The following GPC6 variants were observed in gnomAD, a reference collection of about 807,000 sequenced individuals.
GPC6 encodes glypican-6.
A neutral mutation model predicts 55.2 loss-of-function variants in GPC6; 14 were observed. The observed-to-expected ratio is 0.25, with a 90% confidence interval of 0.17 to 0.40. The LOEUF (loss-of-function observed/expected upper bound fraction) is 0.40, where lower values mean the gene tolerates loss of function less well. GPC6 is among the 10% of genes least tolerant of loss of function. The probability of loss-of-function intolerance (pLI) is 1.00; values close to 1 mark genes in which losing one functional copy is unlikely to be tolerated. For missense variants in GPC6, 641 were observed against 708.5 expected (o/e 0.90, Z 1.08); for synonymous variants, 278 against 259.6 (o/e 1.07, Z -0.68).
Position 93,572,498 on chromosome 13 carries a change from C to T in GPC6, c.319+27077C>T, listed in dbSNP as rs3910921. The stretch of plus-strand genomic sequence containing the variant: ...CCATCCCAGATCTGCTAAACAGATA[C>T]TCCTAAGGGTATGACCCCGCAATCT... On this transcript the variant is annotated intron_variant, in intron 2 of 8. Coordinates refer to ENST00000377047, the MANE Select transcript of GPC6 (RefSeq NM_005708.5). Among the ~76,000 whole-genome samples, 348 of 152,154 alleles carry T rather than the reference C, an allele frequency of 2.3e-3. 2 individuals are homozygous for T. The highest frequency in any genetic ancestry group is 8.2e-3 in the African/African-American group (342 of 41,524).
chr13:93,577,947 C>T (rs907261849), intron 2 of GPC6, among the ~76,000 whole-genome samples: 1 of 152,020 alleles, frequency 6.6e-6, no homozygotes, highest in Non-Finnish European at 1.5e-5. Context: ...TAATACTTTT[C>T]AGCATCAATT....
chr13:93,536,199 CTTTTTCAA>C, intron 1 of GPC6, among the ~76,000 whole-genome samples: 1 of 152,106 alleles, frequency 6.6e-6, no homozygotes, highest in African/African-American at 2.4e-5. Context: ...GCCAAATTCA[CTTTTTCAA>C]TTTTTTACTT....
intron 1 of GPC6, among the ~76,000 whole-genome samples, chr13:93,251,329 A>G (rs1050938579): frequency 6.6e-6 from 1 of 152,202 alleles, no homozygotes; most frequent in African/African-American, 2.4e-5. Flanking sequence ...CCTACTAAAG[A>G]GATGATGTAA....
At chr13:93,429,833 A>G (rs947193059) in intron 1 of GPC6, among the ~76,000 whole-genome samples, 12 of 152,114 alleles carry the variant, frequency 7.9e-5, no homozygotes, top group Non-Finnish European at 1.5e-4. Flanking sequence ...ACATGAAATA[A>G]ATGACAAATA....
intron 2 of GPC6, among the ~76,000 whole-genome samples, chr13:93,673,568 C>T (rs761331662): frequency 6.6e-5 from 10 of 152,106 alleles, no homozygotes; most frequent in Non-Finnish European, 1.3e-4. Context: ...TGCCTTGCCC[C>T]TGGACCAGGA....
At chr13:94,348,959 C>T (rs994265560) in intron 6 of GPC6, among the ~76,000 whole-genome samples, 2 of 152,206 alleles carry the variant, frequency 1.3e-5, no homozygotes, top group Non-Finnish European at 2.9e-5. Context: ...GTACTCCCTT[C>T]TCAGAGAGTT....
intron 1 of GPC6, chr13:93,395,813 A>G (rs1875829976): frequency 1.3e-5 from 2 of 152,478 alleles, no homozygotes; most frequent in Admixed American, 1.3e-4. Context: ...CGGACTTTTT[A>G]GGAGAGTCCG....
At chr13:93,625,003 C>T (rs928414644) in intron 2 of GPC6, among the ~76,000 whole-genome samples, 5 of 152,078 alleles carry the variant, frequency 3.3e-5, no homozygotes, top group African/African-American at 1.2e-4. Context: ...CATTATTTGT[C>T]CTTTGTGGTT....
At chr13:93,654,397 A>G in intron 2 of GPC6, among the ~76,000 whole-genome samples, 1 of 151,740 alleles carries the variant, frequency 6.6e-6, no homozygotes, top group East Asian at 2.0e-4. Context: ...GCGTGATCTC[A>G]GCTCACTGCA....
intron 3 of GPC6, among the ~76,000 whole-genome samples, chr13:93,843,258 G>A (rs1218670738): frequency 6.6e-6 from 1 of 152,062 alleles, no homozygotes; most frequent in Non-Finnish European, 1.5e-5. Context: ...GTGTACATGT[G>A]TGTGCATGTT....
chr13:93,918,761 C>T (rs1043858089), intron 3 of GPC6, among the ~76,000 whole-genome samples: 8 of 152,202 alleles, frequency 5.3e-5, no homozygotes, highest in Non-Finnish European at 1.2e-4. Flanking sequence ...TAACCTGATC[C>T]AGCAGATGTT....
chr13:93,247,538 C>T (rs1314243018), intron 1 of GPC6, among the ~76,000 whole-genome samples: 2 of 152,088 alleles, frequency 1.3e-5, no homozygotes, highest in Non-Finnish European at 2.9e-5. Flanking sequence ...GTATCTTATT[C>T]AATATTCTTT....
intron 4 of GPC6, among the ~76,000 whole-genome samples, chr13:94,085,051 C>T (rs1208369516): frequency 4.0e-5 from 6 of 151,848 alleles, no homozygotes; most frequent in Admixed American, 6.6e-5. Context: ...TGGCTGGGCA[C>T]GGTGGCTCAC....
At chr13:94,085,321 CAAAAAAAAAAAAAA>C (rs33967804) in intron 4 of GPC6, among the ~76,000 whole-genome samples, 3 of 87,050 alleles carry the variant, frequency 3.4e-5, no homozygotes, top group Non-Finnish European at 6.6e-5. Context: ...GATTCTGTCT[CAAAAAAAAAAAAAA>C]AAAAAAAAAG....
intron 2 of GPC6, among the ~76,000 whole-genome samples, chr13:93,587,379 TTC>T (rs1877254317): frequency 6.6e-6 from 1 of 152,190 alleles, no homozygotes; most frequent in Admixed American, 6.5e-5. Flanking sequence ...AATGAGGTAG[TTC>T]TCTGGATCAG....
chr13:93,555,863 G>A (rs899634459), intron 2 of GPC6, among the ~76,000 whole-genome samples: 1 of 152,160 alleles, frequency 6.6e-6, no homozygotes, highest in African/African-American at 2.4e-5. Context: ...CTGTTCTGAA[G>A]CGAGTGTTCT....
At chr13:93,609,605 C>T (rs896753136) in intron 2 of GPC6, among the ~76,000 whole-genome samples, 4 of 152,152 alleles carry the variant, frequency 2.6e-5, no homozygotes, top group African/African-American at 9.7e-5. Flanking sequence ...ACCCTCCCCA[C>T]TGTTTTTGGT....
At chr13:93,801,643 CA>C (rs1886373770) in intron 2 of GPC6, among the ~76,000 whole-genome samples, 1 of 151,812 alleles carries the variant, frequency 6.6e-6, no homozygotes, top group African/African-American at 2.4e-5. Context: ...CTATCCAAGC[CA>C]AAAAGAGAGA....
At chr13:94,051,525 T>C (rs141236786) in intron 4 of GPC6, among the ~76,000 whole-genome samples, 124 of 152,300 alleles carry the variant, frequency 8.1e-4, no homozygotes, top group African/African-American at 2.9e-3. Flanking sequence ...GCAGAGCACT[T>C]TACGAGAGTA....
Sources: gnomAD v4.1 joint callset for allele counts (sites outside exome capture counted in the v4.1 genomes callset) on GRCh38, gnomAD v4.1.1 for gene constraint, MANE v1.5 for transcripts, NCBI Gene and HGNC (gene_info 2026-07-23, HGNC 2026-07-21) for gene names.